PTPRN2: variants seen among roughly 807,000 people sequenced by gnomAD.
The protein encoded by PTPRN2 is protein tyrosine phosphatase receptor type N2.
Under a neutral mutation model 118.8 loss-of-function variants are expected in PTPRN2, and 74 were observed. That is an observed-to-expected ratio of 0.62 (90% CI 0.52 to 0.76). PTPRN2 has a LOEUF of 0.76. Among genes scored for constraint, PTPRN2 ranks in the 30% least tolerant of loss-of-function variants. PTPRN2 has a pLI of 0.00. For synonymous variants in PTPRN2, 641 were observed against 608.0 expected (o/e 1.05, Z -0.80); for missense variants, 1,481 against 1,394.4 (o/e 1.06, Z -0.99).
intron 2 of PTPRN2, among the ~76,000 whole-genome samples, chr7:158,414,800 G>C (rs1814516538): frequency 6.6e-6 from 1 of 152,220 alleles, no homozygotes; most frequent in Admixed American, 6.5e-5. Context: ...AGCTTCCGGA[G>C]CATCTCCATC....
At chr7:158,195,002 T>G (rs1302848528) in intron 4 of PTPRN2, among the ~76,000 whole-genome samples, 1 of 152,232 alleles carries the variant, frequency 6.6e-6, no homozygotes, top group Non-Finnish European at 1.5e-5. Flanking sequence ...TAAATGTGAT[T>G]TAAGTGACAG....
intron 2 of PTPRN2, among the ~76,000 whole-genome samples, chr7:158,365,388 C>T (rs1809355431): frequency 6.6e-6 from 1 of 152,314 alleles, no homozygotes; most frequent in Admixed American, 6.5e-5. Flanking sequence ...CCCTTCCTCA[C>T]CCCTCCCTTC....
At chr7:158,327,766 G>C (rs1364691141) in intron 2 of PTPRN2, among the ~76,000 whole-genome samples, 1 of 152,160 alleles carries the variant, frequency 6.6e-6, no homozygotes, top group Non-Finnish European at 1.5e-5. Context: ...AGGCTGCCTT[G>C]CCAAAGTACC....
intron 10 of PTPRN2, among the ~76,000 whole-genome samples, chr7:158,086,566 T>C (rs960826998): frequency 2.0e-5 from 3 of 152,244 alleles, no homozygotes; most frequent in African/African-American, 7.2e-5. Context: ...CACTCAGCAC[T>C]GTGCTGGGGC....
intron 3 of PTPRN2, among the ~76,000 whole-genome samples, chr7:158,253,563 C>G (rs960335118): frequency 6.6e-6 from 1 of 152,148 alleles, no homozygotes; most frequent in Non-Finnish European, 1.5e-5. Flanking sequence ...ACTCCCGAAA[C>G]CCAGGCCAGG....
chr7:158,462,159 C>T (rs1819055197), intron 2 of PTPRN2, among the ~76,000 whole-genome samples: 1 of 117,342 alleles, frequency 8.5e-6, no homozygotes, highest in South Asian at 3.0e-4. Context: ...GATCCCAACA[C>T]TCGCCCTATA....
chr7:158,260,548 A>AGGGGG (rs1797329897), intron 3 of PTPRN2, among the ~76,000 whole-genome samples: 1 of 152,230 alleles, frequency 6.6e-6, no homozygotes, highest in African/African-American at 2.4e-5. Context: ...ATAGAATCCA[A>AGGGGG]AGTATGCACT....
intron 11 of PTPRN2, among the ~76,000 whole-genome samples, chr7:158,045,928 T>C (rs1328932196): frequency 1.4e-5 from 2 of 147,482 alleles, no homozygotes; most frequent in East Asian, 4.0e-4. Flanking sequence ...TGCCGTGTTC[T>C]GTCCAGGAGC....
In PTPRN2 at chr7:158,555,736, G is replaced by A. The variant is rs1826936210; in HGVS notation, c.112+31822C>T. On this transcript the variant is annotated intron_variant, in intron 1 of 22. Coordinates refer to ENST00000389418, the MANE Select transcript of PTPRN2 (RefSeq NM_002847.5). The surrounding 1 kb of genome is among the most constrained non-coding windows in gnomAD (Gnocchi z 4.7). ...GAGCTCTTCCGCCAACAGGTGGCCG[G>A]TGTTGCTTCCCAGCGGGTTCCACCC... Among the ~76,000 whole-genome samples the A allele has an allele frequency of 6.6e-6, 1 of 152,036 alleles. No homozygotes were observed. The highest frequency in any genetic ancestry group is 2.4e-5 in the African/African-American group (1 of 41,358).
At chr7:158,232,350 C>A (rs1202709415) in intron 3 of PTPRN2, among the ~76,000 whole-genome samples, 1 of 151,786 alleles carries the variant, frequency 6.6e-6, no homozygotes, top group Non-Finnish European at 1.5e-5. Flanking sequence ...ATGGGAAAAC[C>A]TAGAAGAAAT....
Position 158,273,693 on chromosome 7 carries a change from G to A in PTPRN2, c.277+43126C>T, listed in dbSNP as rs569713885. Among the ~76,000 whole-genome samples, 32 of 132,252 alleles carry A rather than the reference G, an allele frequency of 2.4e-4. No individual in the cohort carries two copies. In the South Asian group the frequency reaches 7.9e-3, roughly 33 times the overall value. The allele number at this position is 132,252 out of a possible 152,430, so 86.8% of individuals were successfully genotyped here. On this transcript the variant is annotated intron_variant, in intron 3 of 22. Transcript: ENST00000389418. Reference sequence around the variant, plus strand: ...GGAGGAGCCGCAGACACAGGGAGCCGCAGACACAGGGGGAGCTGCAGACAC... The same window carrying A: ...GGAGGAGCCGCAGACACAGGGAGCCACAGACACAGGGGGAGCTGCAGACAC...
At chr7:158,369,250 T>TATATATAC (rs1416291684) in intron 2 of PTPRN2, among the ~76,000 whole-genome samples, 1 of 5,678 alleles carries the variant, frequency 1.8e-4, no homozygotes. Flanking sequence ...AACTCCCCTT[T>TATATATAC]ATATATATAT....
chr7:158,228,304 T>A (rs1828946145), intron 3 of PTPRN2, among the ~76,000 whole-genome samples: 1 of 152,030 alleles, frequency 6.6e-6, no homozygotes, highest in South Asian at 2.1e-4. Context: ...AAAAGAAGAG[T>A]CACCATTACT....
Position 157,840,340 on chromosome 7 carries a change from G to A in PTPRN2, c.1788+58333C>T, listed in dbSNP as rs532147495. ...GTGTGACTGTGTGACCGCGTGTGAC[G>A]TGTGGCCGCGTGTGACTGTGTGGCC... On this transcript the variant is annotated intron_variant, in intron 12 of 22. Coordinates refer to ENST00000389418, the MANE Select transcript of PTPRN2 (RefSeq NM_002847.5). Among the ~76,000 whole-genome samples the A allele has an allele frequency of 6.4e-5, 8 of 125,508 alleles. No homozygotes were observed. In the East Asian group the frequency reaches 6.9e-4, roughly 11 times the overall value. The allele number at this position is 125,508 out of a possible 152,430, so 82.3% of individuals were successfully genotyped here. A position where few individuals can be genotyped will look rare whatever the true frequency, so the allele number is the denominator to read the frequency against.
rs142036304 is a variant in PTPRN2 at position 157,888,730 on chromosome 7, C to T, written c.1788+9943G>A. Reference sequence around the variant, plus strand: ...CTGTGAGCGTTTCCCACAGCAACCACGGTCAATGGGTGACGGGGGCCGCCA... The same window carrying T: ...CTGTGAGCGTTTCCCACAGCAACCATGGTCAATGGGTGACGGGGGCCGCCA... On this transcript the variant is annotated intron_variant, in intron 12 of 22. Transcript: ENST00000389418. Among the ~76,000 whole-genome samples, 16 of 152,310 alleles carry T rather than the reference C, an allele frequency of 1.1e-4. No individual in the cohort carries two copies. In the Middle Eastern group the frequency reaches 0.01, roughly 97 times the overall value.
At chr7:158,217,007 A>G (rs1007392872) in intron 3 of PTPRN2, among the ~76,000 whole-genome samples, 6 of 152,244 alleles carry the variant, frequency 3.9e-5, no homozygotes, top group African/African-American at 1.4e-4. Context: ...AATACATTAC[A>G]TGTAATTAAA....
At chr7:157,722,391 G>C (rs1268339268) in intron 12 of PTPRN2, among the ~76,000 whole-genome samples, 2 of 152,226 alleles carry the variant, frequency 1.3e-5, no homozygotes, top group Non-Finnish European at 2.9e-5. Flanking sequence ...TGGAGCCAGG[G>C]CCAGGGGCAG....
chr7:158,270,769 C>T (rs1224285629), intron 3 of PTPRN2, among the ~76,000 whole-genome samples: 4 of 136,200 alleles, frequency 2.9e-5, no homozygotes, highest in South Asian at 2.4e-4. Flanking sequence ...TGGACCACCC[C>T]GTCCACCTGG....
chr7:157,653,252 T>G (rs1443234612), intron 14 of PTPRN2, among the ~76,000 whole-genome samples: 1 of 151,864 alleles, frequency 6.6e-6, no homozygotes, highest in Non-Finnish European at 1.5e-5. Flanking sequence ...GCCCCAGGAG[T>G]GGCTGCATGT....
Sources: gnomAD v4.1 joint callset for allele counts (sites outside exome capture counted in the v4.1 genomes callset) on GRCh38, gnomAD v4.1.1 for gene constraint, Gnocchi (gnomAD v3.1) non-coding constraint, MANE v1.5 for transcripts, NCBI Gene and HGNC (gene_info 2026-07-23, HGNC 2026-07-21) for gene names.